Variants in DIP2C observed in about 807,000 individuals in gnomAD.
The protein encoded by DIP2C is disco-interacting protein 2 homolog C.
Under a neutral mutation model 192.4 loss-of-function variants are expected in DIP2C, and 33 were observed. That is an observed-to-expected ratio of 0.17 (90% CI 0.13 to 0.23). The LOEUF (loss-of-function observed/expected upper bound fraction) is 0.23. Ranked by LOEUF, DIP2C falls within the 10% of genes least tolerant of loss-of-function variation. The pLI, the probability that DIP2C is intolerant of heterozygous loss-of-function variation, is 1.00. For missense variants in DIP2C, 1,537 were observed against 2,110.1 expected (o/e 0.73, Z 5.32); for synonymous variants, 979 against 864.1 (o/e 1.13, Z -2.33).
chr10:301,712 G>C (rs765135549), intron 32 of DIP2C, among the ~76,000 whole-genome samples: 3 of 152,180 alleles, frequency 2.0e-5, no homozygotes, highest in African/African-American at 7.2e-5. Flanking sequence ...GGCAGGACCC[G>C]GGAGCCCGCC....
At chr10:422,370 T>G (rs7096386) in intron 5 of DIP2C, among the ~76,000 whole-genome samples, 149,295 of 152,232 alleles carry the variant, frequency 0.98, 73,273 homozygotes, top group Middle Eastern at 1. Flanking sequence ...TCATACAGAG[T>G]ATCTCCCTGT....
chr10:379,910 T>A (rs1312087350), intron 17 of DIP2C, among the ~76,000 whole-genome samples: 18 of 135,760 alleles, frequency 1.3e-4, no homozygotes, highest in East Asian at 4.5e-4. Flanking sequence ...TGTCCCTGGA[T>A]GATGGTTAAC....
chr10:366,125 A>C (rs1208459002), intron 19 of DIP2C, 150 bp downstream of exon 19: 9 of 1,136,354 alleles, frequency 7.9e-6, no homozygotes, highest in Non-Finnish European at 1.1e-5. Context: ...AAAAGCGATA[A>C]AAAGTGGTAA....
chr10:321,279 C>G (rs1027115571), intron 31 of DIP2C, among the ~76,000 whole-genome samples: 1 of 152,240 alleles, frequency 6.6e-6, no homozygotes. Context: ...TGCTCAGGAG[C>G]ACCGGTGAGG....
rs191011461 is a variant in DIP2C, at chr10:636,844, C to T, written c.85+52650G>A. Among the ~76,000 whole-genome samples, 1 of 152,188 alleles carries T rather than the reference C, an allele frequency of 6.6e-6. No individual in the cohort carries two copies. The highest frequency in any genetic ancestry group is 1.5e-5 in the Non-Finnish European group (1 of 68,030). ...TAAACAGGAAGTTTCAGTCTCGAGG[C>T]GCAATCACCTTCCGTCATACACTTC... On this transcript the variant is annotated intron_variant, in intron 1 of 36. Transcript: ENST00000280886. The surrounding 1 kb of genome is among the most constrained non-coding windows in gnomAD (Gnocchi z 4.6).
At chr10:576,952 A>G (rs749236749) in intron 1 of DIP2C, among the ~76,000 whole-genome samples, 24 of 152,160 alleles carry the variant, frequency 1.6e-4, no homozygotes, top group Non-Finnish European at 2.9e-4. Context: ...GATGAAAACT[A>G]ATTGCCAAGG....
At chr10:295,509 C>T (rs1483063083) in intron 32 of DIP2C, among the ~76,000 whole-genome samples, 2 of 121,628 alleles carry the variant, frequency 1.6e-5, no homozygotes, top group Non-Finnish European at 3.2e-5. Flanking sequence ...TGCAGTGAGC[C>T]GAGATAGCGC....
Position 472,514 on chromosome 10 carries a change from G to C in DIP2C, c.193C>G (p.Pro65Ala). The C allele has an allele frequency of 6.2e-7, 1 of 1,614,210 alleles. No homozygotes were observed. The highest frequency in any genetic ancestry group is 8.5e-7 in the Non-Finnish European group (1 of 1,180,044). ...DQALPQERRA[P>A]VTPSSASRYH... Reference sequence around the variant, plus strand: ...CGAGAGGCGGAGGAAGGAGTGACAGGAGCCCGGCGTTCTTGCGGCAAAGCT... The same window carrying C: ...CGAGAGGCGGAGGAAGGAGTGACAGCAGCCCGGCGTTCTTGCGGCAAAGCT... The change falls in exon 3 of 37, where the codon CCT becomes GCT. Residue 65 changes from proline to alanine, a missense_variant. By Grantham distance (27) the Pro-to-Ala change is conservative. Around this residue, in one of 4 missense-constraint regions of DIP2C, gnomAD observed 473 missense variants for 539.6 expected, o/e 0.88. Transcript: ENST00000280886.
At chr10:582,347 G>A (rs543972279) in intron 1 of DIP2C, among the ~76,000 whole-genome samples, 15 of 152,314 alleles carry the variant, frequency 9.8e-5, no homozygotes, top group South Asian at 4.1e-4. Flanking sequence ...GAGGTTCTCC[G>A]TAAAAACCCA....
intron 1 of DIP2C, among the ~76,000 whole-genome samples, chr10:504,883 TACTC>T (rs1464467418): frequency 2.0e-5 from 3 of 152,196 alleles, no homozygotes; most frequent in African/African-American, 7.2e-5. Context: ...GACCCCGTCA[TACTC>T]AGAGAAGAGG....
chr10:399,066 C>T, intron 10 of DIP2C, 43 bp downstream of exon 10: 1 of 1,521,494 alleles, frequency 6.6e-7, no homozygotes, highest in Non-Finnish European at 9.1e-7. Flanking sequence ...CCGTGAAAGC[C>T]ATCTCACTCA....
chr10:674,444 G>A (rs959944749), intron 1 of DIP2C, among the ~76,000 whole-genome samples: 2 of 152,054 alleles, frequency 1.3e-5, no homozygotes, highest in Non-Finnish European at 2.9e-5. Flanking sequence ...CAACAACAAA[G>A]CACCCAGATA....
chr10:478,621 T>C (rs983607705), intron 2 of DIP2C, among the ~76,000 whole-genome samples: 3 of 149,522 alleles, frequency 2.0e-5, no homozygotes, highest in Non-Finnish European at 4.4e-5. Flanking sequence ...CACATCCAAA[T>C]TCCCATCTTA....
intron 32 of DIP2C, among the ~76,000 whole-genome samples, chr10:309,132 G>A (rs965549400): frequency 2.6e-5 from 4 of 152,206 alleles, no homozygotes; most frequent in African/African-American, 9.7e-5. Context: ...AAGATGATCT[G>A]TTTCAACGGG....
At chr10:370,947 G>GT (rs1330620505) in intron 17 of DIP2C, among the ~76,000 whole-genome samples, 1 of 152,192 alleles carries the variant, frequency 6.6e-6, no homozygotes. Context: ...TATTCTAGAT[G>GT]TAAGAATCAA....
In DIP2C at chr10:643,067, G is replaced by A. The variant is rs151313506; in HGVS notation, c.85+46427C>T. 6.7e-3 allele frequency among the ~76,000 whole-genome samples: 1,021 copies of A among 152,238 alleles called. 12 individuals carry two copies. Among genetic ancestry groups the A allele is most frequent in the African/African-American group, 0.023 (941 of 41,536 alleles). On this transcript the variant is annotated intron_variant, in intron 1 of 36. Coordinates refer to ENST00000280886, the MANE Select transcript of DIP2C (RefSeq NM_014974.3). ...AAAAATACAAAAATCAGCCAGGCAT[G>A]GTGGCACATGTCTGTAATCCCAGCT...
chr10:452,274 G>A (rs535626179), intron 3 of DIP2C, among the ~76,000 whole-genome samples: 6 of 152,254 alleles, frequency 3.9e-5, no homozygotes, highest in East Asian at 3.9e-4. Flanking sequence ...TGAAGATTCC[G>A]TCAGACTCTA....
intron 1 of DIP2C, among the ~76,000 whole-genome samples, chr10:577,596 G>A (rs1850249778): frequency 6.6e-6 from 1 of 152,198 alleles, no homozygotes; most frequent in South Asian, 2.1e-4. Context: ...ATGGGATGAA[G>A]GGCCCCAGCC....
chr10:581,100 C>T (rs961233955), intron 1 of DIP2C, among the ~76,000 whole-genome samples: 2 of 152,180 alleles, frequency 1.3e-5, no homozygotes, highest in Non-Finnish European at 2.9e-5. Context: ...TTTCTAGGAG[C>T]GATGTCTGGC....
Sources: allele counts gnomAD v4.1 joint callset (sites outside exome capture counted in the v4.1 genomes callset), GRCh38; gene constraint gnomAD v4.1.1; regional missense constraint gnomAD v4.1.1; non-coding constraint Gnocchi (gnomAD v3.1); transcripts MANE v1.5; gene names NCBI Gene and HGNC (gene_info 2026-07-23, HGNC 2026-07-21).